REV1: variants seen among roughly 807,000 people sequenced by gnomAD.
The protein encoded by REV1 is REV1 DNA directed polymerase.
A neutral mutation model predicts 137.4 loss-of-function variants in REV1; 42 were observed. The observed-to-expected ratio is 0.31, with a 90% CI of 0.24 to 0.40. REV1 has a LOEUF of 0.40. Ranked by LOEUF, REV1 falls within the 10% of genes least tolerant of loss-of-function variation. The pLI, the probability that REV1 is intolerant of heterozygous loss-of-function variation, is 1.00. For missense variants in REV1, 1,282 were observed against 1,490.1 expected (o/e 0.86, Z 2.30); for synonymous variants, 524 against 519.2 (o/e 1.01, Z -0.12).
At chr2:99,424,358 T>C (rs1347287669) in intron 9 of REV1, 78 bp from the exon 10 acceptor site, 2 of 1,384,714 alleles carry the variant, frequency 1.4e-6, no homozygotes, top group Non-Finnish European at 2.0e-6. Flanking sequence ...TGTTGATATC[T>C]CCCCATGCCA....
At chr2:99,424,671 A>G in intron 9 of REV1, 1 of 1,016,628 alleles carries the variant, frequency 9.8e-7, no homozygotes, top group Non-Finnish European at 1.3e-6. Flanking sequence ...TACAAGGCAC[A>G]GTTTGGCCAG....
intron 8 of REV1, among the ~76,000 whole-genome samples, chr2:99,431,387 A>G (rs926607699): frequency 1.3e-5 from 2 of 152,180 alleles, no homozygotes; most frequent in African/African-American, 4.8e-5. Flanking sequence ...GAGGGTTTTA[A>G]AAGGGTAAAT....
rs181306156 is a variant in REV1 at position 99,478,796 on chromosome 2, G to A, written c.-11+11021C>T. ...CCAACTCCAACGTTTCTGATTCAGT[G>A]AGTCTAGGGCAGGGCTGGAAATTTG... On this transcript the variant is annotated intron_variant, in intron 1 of 22. Transcript: ENST00000258428. Among the ~76,000 whole-genome samples, 26 of 152,316 alleles carry A rather than the reference G, an allele frequency of 1.7e-4. 1 individual carries two copies. In the South Asian group the frequency reaches 3.7e-3, roughly 22 times the overall value.
chr2:99,402,971 G>C lies in REV1; in HGVS notation c.3302C>G (p.Thr1101Ser). 6.2e-7 allele frequency: 1 copy of C among 1,614,208 alleles called. No homozygotes were observed. Among genetic ancestry groups the C allele is most frequent in the South Asian group, 1.1e-5 (1 of 91,086 alleles). ...NNKLLNSPAKTLPGACGSPQK... is the reference protein window; with the variant it reads ...NNKLLNSPAKSLPGACGSPQK... The stretch of plus-strand genomic sequence containing the variant: ...GGGACTGCCACAGGCCCCTGGCAGA[G>C]TTTTTGCAGGACTGTTAAGCAGCTT... Residue 1101 changes from threonine to serine, a missense_variant, in exon 20 of 23, where the codon ACT becomes AGT. Physicochemically the swap from Thr to Ser is moderately conservative, Grantham distance 58. Coordinates refer to ENST00000258428, the MANE Select transcript of REV1 (RefSeq NM_016316.4).
intron 12 of REV1, among the ~76,000 whole-genome samples, chr2:99,416,974 T>C (rs1006505223): frequency 2.8e-5 from 4 of 143,820 alleles, no homozygotes; most frequent in African/African-American, 7.9e-5. Context: ...TGAAGGTGAA[T>C]GGTAGGATTA....
chr2:99,410,772 T>C lies in REV1; in HGVS notation c.2268A>G (p.Lys756=). The C allele has an allele frequency of 6.2e-7, 1 of 1,612,526 alleles. No individual in the cohort carries two copies. Among genetic ancestry groups the C allele is most frequent in the Non-Finnish European group, 8.5e-7 (1 of 1,179,626 alleles). ...TGMKGKRLTL[K]IMVRKPGAPV... ...GAGCCCCAGGCTTTCGTACCATGATTTTGAGAGTTAGACGTTTACCCTTCA... is the reference window on the plus strand; with the variant it reads ...GAGCCCCAGGCTTTCGTACCATGATCTTGAGAGTTAGACGTTTACCCTTCA... Residue 756 remains lysine, a synonymous_variant, in exon 14 of 23, where the codon AAA becomes AAG. Coordinates refer to ENST00000258428, the MANE Select transcript of REV1 (RefSeq NM_016316.4).
chr2:99,484,423 A>G (rs560653312), intron 1 of REV1, among the ~76,000 whole-genome samples: 293 of 152,308 alleles, frequency 1.9e-3, no homozygotes, highest in Non-Finnish European at 3.6e-3. Context: ...GAAACACATC[A>G]CTAGTAACTT....
At chr2:99,460,327 G>A (rs1397236886) in intron 3 of REV1, among the ~76,000 whole-genome samples, 3 of 152,042 alleles carry the variant, frequency 2.0e-5, no homozygotes, top group Non-Finnish European at 2.9e-5. Context: ...TGCCCGCCTC[G>A]GCCTCCCAAA....
At chr2:99,463,582 A>G (rs1684483706) in intron 2 of REV1, among the ~76,000 whole-genome samples, 2 of 152,216 alleles carry the variant, frequency 1.3e-5, no homozygotes, top group South Asian at 2.1e-4. Context: ...AAGCTACACC[A>G]AAGTTTAAAC....
At chr2:99,481,709 A>AC (rs60636952) in intron 1 of REV1, among the ~76,000 whole-genome samples, 1,704 of 151,228 alleles carry the variant, frequency 0.011, 11 homozygotes, top group Middle Eastern at 0.024. Context: ...ACACACACAC[A>AC]AAAATTTAAA....
chr2:99,453,033 T>G (rs759570096), intron 3 of REV1, among the ~76,000 whole-genome samples: 37 of 152,128 alleles, frequency 2.4e-4, no homozygotes, highest in Admixed American at 7.2e-4. Context: ...GAGCTAAAAA[T>G]TATAAATTAC....
At chr2:99,437,281 C>T (rs1465183410) in intron 6 of REV1, among the ~76,000 whole-genome samples, 3 of 152,118 alleles carry the variant, frequency 2.0e-5, no homozygotes, top group African/African-American at 7.2e-5. Context: ...CTGTGCCCAG[C>T]CTGCTCATGT....
chr2:99,463,853 A>C (rs1259543155), intron 2 of REV1, among the ~76,000 whole-genome samples: 1 of 152,082 alleles, frequency 6.6e-6, no homozygotes, highest in Non-Finnish European at 1.5e-5. Flanking sequence ...CCAACTCCTG[A>C]CCTCAGGTGA....
In REV1 at chr2:99,405,861, A is replaced by C. The variant is rs776761927; in HGVS notation, c.2811+49T>G. Reference sequence around the variant, plus strand: ...TTTGTAAACTTGTATTTTTGTATTTATATTTAGGAGTATAAAATGTACTTA... The same window carrying C: ...TTTGTAAACTTGTATTTTTGTATTTCTATTTAGGAGTATAAAATGTACTTA... On this transcript the variant is annotated intron_variant, in intron 17 of 22. Coordinates refer to ENST00000258428, the MANE Select transcript of REV1 (RefSeq NM_016316.4). 5.8e-6 allele frequency: 7 copies of C among 1,202,816 alleles called. No homozygotes were observed. The African/African-American group carries it at 1.1e-4, about 19-fold the overall frequency. The allele number at this position is 1,202,816 out of a possible 1,614,324, so 74.5% of individuals were successfully genotyped here.
intron 3 of REV1, among the ~76,000 whole-genome samples, chr2:99,462,234 T>C (rs1028599591): frequency 6.6e-6 from 1 of 152,218 alleles, no homozygotes; most frequent in Admixed American, 6.5e-5. Context: ...CAAGTCCTAC[T>C]ACCCATGTGT....
Position 99,402,353 on chromosome 2 carries a change from A to AG in REV1, c.3542-8dup. ...ATGTCTTCTTCCATTGGATCTAGGA[A>AG]GGGGGAAAAACTTCAAATGAGGACC... On this transcript the variant is annotated splice_region_variant and splice_polypyrimidine_tract_variant and intron_variant, in intron 21 of 22. Transcript: ENST00000258428. The AG allele has an allele frequency of 1.4e-6, 2 of 1,399,472 alleles. No individual in the cohort carries two copies. Among genetic ancestry groups the AG allele is most frequent in the Admixed American group, 1.9e-5 (1 of 52,746 alleles). 86.7% of individuals were successfully genotyped at this position (1,399,472 alleles called of 1,614,324 possible). A position where few individuals can be genotyped will look rare whatever the true frequency, so the allele number is the denominator to read the frequency against.
intron 18 of REV1, among the ~76,000 whole-genome samples, chr2:99,404,240 C>G (rs763937824): frequency 6.6e-6 from 1 of 152,146 alleles, no homozygotes; most frequent in Non-Finnish European, 1.5e-5. Flanking sequence ...CTCTTCCCTG[C>G]TGCTTCAGCG....
At chr2:99,481,228 A>G (rs777666127) in intron 1 of REV1, among the ~76,000 whole-genome samples, 1 of 152,236 alleles carries the variant, frequency 6.6e-6, no homozygotes, top group Non-Finnish European at 1.5e-5. Flanking sequence ...CGTACATCTA[A>G]AAGTACAAAT....
At chr2:99,431,771 C>T in intron 8 of REV1, 1 of 985,400 alleles carries the variant, frequency 1.0e-6, no homozygotes, top group Non-Finnish European at 1.2e-6. Context: ...GTGCGTGGGT[C>T]CCTCCACGAG....
Sources: allele counts gnomAD v4.1 joint callset (sites outside exome capture counted in the v4.1 genomes callset), GRCh38; gene constraint gnomAD v4.1.1; transcripts MANE v1.5; gene names NCBI Gene and HGNC (gene_info 2026-07-23, HGNC 2026-07-21).